The following MCMDC2 variants were observed in gnomAD, a reference collection of about 807,000 sequenced individuals.
MCMDC2 encodes the protein minichromosome maintenance domain-containing protein 2.
In MCMDC2, 54 loss-of-function variants were observed where a neutral mutation model predicts 75.8. That is an observed-to-expected ratio of 0.71 (90% confidence interval 0.57 to 0.89). The LOEUF is 0.89. Among genes scored for constraint, MCMDC2 ranks in the 40% least tolerant of loss-of-function variants. The pLI, the probability that MCMDC2 is intolerant of heterozygous loss-of-function variation, is 0.00. For missense variants in MCMDC2, 656 were observed against 780.4 expected (o/e 0.84, Z 1.90); for synonymous variants, 249 against 274.6 (o/e 0.91, Z 0.92).
chr8:66,925,985 A>G (rs1461851523), downstream of MCMDC2, among the ~76,000 whole-genome samples: 1 of 152,032 alleles, frequency 6.6e-6, no homozygotes, highest in African/African-American at 2.4e-5. Context: ...CATCTCTACT[A>G]AAAATACAAA....
chr8:66,896,741 A>G lies in MCMDC2; in HGVS notation c.1447-39A>G, dbSNP rs759096139. On this transcript the variant is annotated intron_variant, in intron 11 of 14. Coordinates refer to ENST00000422365, the MANE Select transcript of MCMDC2 (RefSeq NM_173518.5). ...TTATTTCCAAATTGTGAAAATTACA[A>G]AGTTTAATGTTTGCCTGTTACCTTT... The G allele has an allele frequency of 6.3e-6, 9 of 1,431,138 alleles. No homozygotes were observed. In the African/African-American group the frequency reaches 1.3e-4, roughly 21 times the overall value. The allele number at this position is 1,431,138 out of a possible 1,614,324, so 88.7% of individuals were successfully genotyped here. A position where few individuals can be genotyped will look rare whatever the true frequency, so the allele number is the denominator to read the frequency against.
chr8:66,896,648 A>G (rs1444866341), intron 11 of MCMDC2, 132 bp from the exon 12 acceptor site: 2 of 694,256 alleles, frequency 2.9e-6, no homozygotes, highest in Non-Finnish European at 4.0e-6. Flanking sequence ...AAATTACCTT[A>G]AATTATAATT....
intron 9 of MCMDC2, among the ~76,000 whole-genome samples, chr8:66,889,879 C>A (rs1181687619): frequency 6.6e-6 from 1 of 152,058 alleles, no homozygotes; most frequent in Admixed American, 6.6e-5. Flanking sequence ...AACAAAAAAC[C>A]CCATAATTGC....
rs1017807602 is a variant in MCMDC2, at chr8:66,901,659, C to T, written c.1769+311C>T. On this transcript the variant is annotated intron_variant, in intron 13 of 14. Coordinates refer to ENST00000422365, the MANE Select transcript of MCMDC2 (RefSeq NM_173518.5). ...TAAAAATGTGGCTGTTGGGCGGGCA[C>T]GGTGGCTCACACCTGTAATCCCAGC... 16 of 1,048,334 alleles carry T rather than the reference C, an allele frequency of 1.5e-5. No individual in the cohort carries two copies. In the African/African-American group the frequency reaches 1.5e-4, roughly 10 times the overall value. 64.9% of individuals were successfully genotyped at this position (1,048,334 alleles called of 1,614,324 possible). A position where few individuals can be genotyped will look rare whatever the true frequency, so the allele number is the denominator to read the frequency against.
At chr8:66,880,825 T>C in intron 7 of MCMDC2, 24 bp from the exon 8 acceptor site, 1 of 1,506,170 alleles carries the variant, frequency 6.6e-7, no homozygotes. Context: ...AATATGTATT[T>C]TCTTCTGTCT....
In MCMDC2 at chr8:66,890,841, G is replaced by A. The variant is rs373549101; in HGVS notation, c.1074-24G>A. The A allele has an allele frequency of 2.7e-4, 419 of 1,576,420 alleles. 2 individuals are homozygous for A. Among genetic ancestry groups the A allele is most frequent in the Non-Finnish European group, 3.3e-4 (382 of 1,158,650 alleles). On this transcript the variant is annotated intron_variant, in intron 9 of 14. Coordinates refer to ENST00000422365, the MANE Select transcript of MCMDC2 (RefSeq NM_173518.5). Reference sequence around the variant, plus strand: ...CTTTTGAAAATTAAATAATAGTAATGAAAAGTTTATTTTTTTTCCCTAGGC... The same window carrying A: ...CTTTTGAAAATTAAATAATAGTAATAAAAAGTTTATTTTTTTTCCCTAGGC...
At chr8:66,925,409 T>C (rs1813691037), downstream of MCMDC2, 1 of 152,146 alleles carries the variant, frequency 6.6e-6, no homozygotes, top group Non-Finnish European at 1.5e-5. Flanking sequence ...CGTAGAGGAG[T>C]TGGACCTAAG....
At chr8:66,879,099 T>C (rs1276313153) in intron 7 of MCMDC2, among the ~76,000 whole-genome samples, 180 bp downstream of exon 7, 1 of 151,820 alleles carries the variant, frequency 6.6e-6, no homozygotes, top group Non-Finnish European at 1.5e-5. Context: ...CTACAAAAAA[T>C]TAAAAAATAA....
At chr8:66,926,230 A>T (rs1813710150), downstream of MCMDC2, 1 of 152,124 alleles carries the variant, frequency 6.6e-6, no homozygotes, top group African/African-American at 2.4e-5. Flanking sequence ...TTTGCTGTTG[A>T]TTTTCACGTC....
chr8:66,922,491 T>C (rs1186683094), downstream of MCMDC2: 3 of 518,858 alleles, frequency 5.8e-6, no homozygotes, highest in Admixed American at 5.8e-5. Flanking sequence ...CTTAAAATTA[T>C]TTCTTCAAAG....
chr8:66,897,406 CAA>C (rs745366466), intron 12 of MCMDC2, among the ~76,000 whole-genome samples: 23 of 72,172 alleles, frequency 3.2e-4, no homozygotes, highest in Middle Eastern at 0.01. Context: ...GACCCTGTCT[CAA>C]AAAAAAAAAA....
At chr8:66,916,474 GT>G (rs1468081188) in intron 14 of MCMDC2, among the ~76,000 whole-genome samples, 2 of 152,150 alleles carry the variant, frequency 1.3e-5, no homozygotes, top group Non-Finnish European at 2.9e-5. Flanking sequence ...GCAGGTGATC[GT>G]TTGGAGTTAC....
chr8:66,901,483 A>C, intron 13 of MCMDC2, 135 bp downstream of exon 13: 1 of 1,424,074 alleles, frequency 7.0e-7, no homozygotes, highest in Non-Finnish European at 9.2e-7. Flanking sequence ...GCCTTGTTCC[A>C]AAAGGACTAA....
At chr8:66,877,572 A>G (rs775652305) in intron 5 of MCMDC2, 28 bp downstream of exon 5, 2 of 1,540,336 alleles carry the variant, frequency 1.3e-6, no homozygotes, top group East Asian at 2.3e-5. Context: ...AAATCAAAGC[A>G]TTAAGCAATT....
intron 8 of MCMDC2, among the ~76,000 whole-genome samples, chr8:66,881,492 GC>G (rs752413332): frequency 1.3e-5 from 2 of 152,132 alleles, no homozygotes; most frequent in Non-Finnish European, 2.9e-5. Context: ...TTCAAGACCA[GC>G]CTGGCCAAGA....
intron 9 of MCMDC2, among the ~76,000 whole-genome samples, chr8:66,885,882 T>C (rs1227883883): frequency 6.6e-6 from 1 of 152,214 alleles, no homozygotes; most frequent in Non-Finnish European, 1.5e-5. Context: ...CTTTTGGGTC[T>C]AGTCTCTCTT....
At chr8:66,916,063 C>T (rs1813304803) in intron 14 of MCMDC2, among the ~76,000 whole-genome samples, 1 of 151,746 alleles carries the variant, frequency 6.6e-6, no homozygotes, top group Non-Finnish European at 1.5e-5. Flanking sequence ...GCTATGGAGA[C>T]AGCACACATA....
At chr8:66,918,819 A>G (rs906385206) in intron 14 of MCMDC2, among the ~76,000 whole-genome samples, 184 bp from the exon 15 acceptor site, 1 of 152,146 alleles carries the variant, frequency 6.6e-6, no homozygotes, top group African/African-American at 2.4e-5. Context: ...TTCAATAATG[A>G]TTATTGAAAT....
At chr8:66,924,898 A>T (rs1813673419), downstream of MCMDC2, among the ~76,000 whole-genome samples, 2 of 152,216 alleles carry the variant, frequency 1.3e-5, no homozygotes, top group African/African-American at 2.4e-5. Flanking sequence ...GAGACTAGTA[A>T]TGACTCAGTA....
Sources: gnomAD v4.1 joint callset for allele counts (sites outside exome capture counted in the v4.1 genomes callset) on GRCh38, gnomAD v4.1.1 for gene constraint, MANE v1.5 for transcripts, NCBI Gene and HGNC (gene_info 2026-07-23, HGNC 2026-07-21) for gene names.